The following CEP164 variants were observed in gnomAD, a reference collection of about 807,000 sequenced individuals.
CEP164 encodes the protein centrosomal protein 164.
In CEP164, 162 loss-of-function variants were observed where a neutral mutation model predicts 182.7. The ratio of observed to expected loss-of-function variants is 0.89; its 90% CI spans 0.78 to 1.01. The LOEUF (loss-of-function observed/expected upper bound fraction) is 1.01, where lower values mean the gene tolerates loss of function less well. Among genes scored for constraint, CEP164 ranks in the 50% least tolerant of loss-of-function variants. The pLI, the probability that CEP164 is intolerant of heterozygous loss-of-function variation, is 0.00. For synonymous variants in CEP164, 661 were observed against 690.0 expected, an observed-to-expected ratio of 0.96 and a Z score of 0.66; for missense variants, 1,735 against 1,790.4, an observed-to-expected ratio of 0.97 and a Z score of 0.56.
chr11:117,327,012 G>T (rs1215556105), upstream of CEP164, among the ~76,000 whole-genome samples: 3 of 152,224 alleles, frequency 2.0e-5, no homozygotes, highest in Non-Finnish European at 4.4e-5. Context: ...CAACCTTTCT[G>T]CCCGACAGGG....
Position 117,397,099 on chromosome 11 carries a change from C to T in CEP164, c.3287C>T (p.Ser1096Phe), listed in dbSNP as rs761362702. ...CAACTCTCCTGCTCCAGCCTGTCCT[C>T]CCACAATGTCTGGCACCTCCTCTCT... Reference protein sequence around the residue: ...KEDLYLDSLSSHNVWHLLSAE... With the variant: ...KEDLYLDSLSFHNVWHLLSAE... The change falls in exon 27 of 33, where the codon TCC (serine) becomes TTC (phenylalanine). Residue 1096 changes from serine (S) to phenylalanine (F), a missense_variant. Ser to Phe is a radical substitution (Grantham distance 155). Transcript: ENST00000278935. 2 of 1,613,904 alleles carry T rather than the reference C, an allele frequency of 1.2e-6. No individual in the cohort carries two copies. The highest frequency in any genetic ancestry group is 2.2e-5 in the South Asian group (2 of 91,036).
At position 117,371,200 on chromosome 11, in the gene CEP164, G is replaced by C. The variant is rs1235634904; in HGVS notation, c.886G>C (p.Ala296Pro). ...AGGTGCAGACAGCAGTCTGAGCAGT[G>C]CTGTTGGCAAAGGGCGACAGGGAAG... ...SPGADSSLSS[A>P]VGKGRQGSGA... is the part of the protein sequence containing the mutation. Residue 296 changes from alanine to proline, a missense_variant, in exon 9 of 33, where the codon GCT (alanine) becomes CCT (proline). Coordinates refer to ENST00000278935, the MANE Select transcript of CEP164 (RefSeq NM_014956.5). 6.2e-7 allele frequency: 1 copy of C among 1,614,224 alleles called. No individual in the cohort carries two copies.
chr11:117,396,993 C>A, intron 26 of CEP164, 98 bp from the exon 27 acceptor site: 1 of 1,092,950 alleles, frequency 9.1e-7, no homozygotes, highest in Non-Finnish European at 1.3e-6. Context: ...CAGCTCTGGT[C>A]TGTGCTCAGG....
At chr11:117,337,040 C>T (rs180988817) in intron 2 of CEP164, among the ~76,000 whole-genome samples, 7 of 152,162 alleles carry the variant, frequency 4.6e-5, no homozygotes, top group Admixed American at 2.6e-4. Context: ...AATTTGGCAC[C>T]GCCCCATCCC....
upstream of CEP164, among the ~76,000 whole-genome samples, chr11:117,324,597 G>C (rs1476199125): frequency 2.0e-5 from 3 of 152,180 alleles, no homozygotes; most frequent in Non-Finnish European, 4.4e-5. Context: ...TTGTTGATTT[G>C]TGTGAAGGTA....
At chr11:117,384,154 CTG>C (rs989349033) in intron 14 of CEP164, among the ~76,000 whole-genome samples, 2 of 152,250 alleles carry the variant, frequency 1.3e-5, no homozygotes, top group Non-Finnish European at 2.9e-5. Context: ...ATTTTCCCTT[CTG>C]TGAACTGAGC....
At chr11:117,364,244 C>G (rs545553490) in intron 8 of CEP164, among the ~76,000 whole-genome samples, 2 of 152,284 alleles carry the variant, frequency 1.3e-5, no homozygotes, top group South Asian at 4.1e-4. Flanking sequence ...CAGGCTCAAT[C>G]AGTTAAACTT....
chr11:117,327,211 G>A (rs571592403), upstream of CEP164, among the ~76,000 whole-genome samples: 41 of 152,318 alleles, frequency 2.7e-4, no homozygotes, highest in East Asian at 7.9e-3. Context: ...TAGGAGCACA[G>A]GAGAGCCAGT....
chr11:117,338,792 C>A, intron 3 of CEP164, 124 bp downstream of exon 3: 1 of 750,190 alleles, frequency 1.3e-6, no homozygotes. Context: ...TTAGTATATT[C>A]GGGTTAGATC....
chr11:117,410,777 C>G, intron 30 of CEP164, 51 bp from the exon 31 acceptor site: 1 of 1,515,172 alleles, frequency 6.6e-7, no homozygotes. Context: ...TGCTGGTGGG[C>G]AGGGTGGTGA....
At position 117,411,946 on chromosome 11, in the gene CEP164, G is replaced by A. The variant is rs760435734; in HGVS notation, c.4286+29G>A. ...TCCTTTTACCTGGTTCCCAAACTGG[G>A]CTGGGCTGTGGGGACTGTGCTTGTG... On this transcript the variant is annotated intron_variant, in intron 32 of 32. Transcript: ENST00000278935. This position sits in a 1 kb window ranked among gnomAD's most constrained non-coding sequence, Gnocchi z 4.4. The A allele has an allele frequency of 6.2e-7, 1 of 1,613,254 alleles. No homozygotes were observed. Among genetic ancestry groups the A allele is most frequent in the Non-Finnish European group, 8.5e-7 (1 of 1,179,680 alleles).
At chr11:117,326,597 T>C (rs1331494209), upstream of CEP164, among the ~76,000 whole-genome samples, 1 of 152,206 alleles carries the variant, frequency 6.6e-6, no homozygotes, top group Non-Finnish European at 1.5e-5. Flanking sequence ...CAGGTATTCA[T>C]GCGTGAGAAC....
At chr11:117,398,792 T>A (rs1012709142) in intron 27 of CEP164, among the ~76,000 whole-genome samples, 1 of 152,168 alleles carries the variant, frequency 6.6e-6, no homozygotes, top group African/African-American at 2.4e-5. Flanking sequence ...ATGGGGACCC[T>A]GGGCCTGGCC....
At chr11:117,330,044 C>CT (rs1239960148) in intron 1 of CEP164, among the ~76,000 whole-genome samples, 3 of 151,962 alleles carry the variant, frequency 2.0e-5, no homozygotes, top group African/African-American at 7.3e-5. Flanking sequence ...TGATTTTCTT[C>CT]TTTTTTGCCT....
intron 3 of CEP164, among the ~76,000 whole-genome samples, chr11:117,339,956 A>C (rs2037846964): frequency 1.3e-5 from 2 of 152,208 alleles, no homozygotes; most frequent in South Asian, 4.1e-4. Context: ...TTCTATTCTA[A>C]GTGGTGTTGC....
intron 11 of CEP164, among the ~76,000 whole-genome samples, chr11:117,376,207 G>C (rs926694648): frequency 1.3e-5 from 2 of 152,178 alleles, no homozygotes; most frequent in Non-Finnish European, 2.9e-5. Context: ...GCCTCTGCCT[G>C]CCACTCTGCT....
chr11:117,349,147 C>T lies in CEP164; in HGVS notation c.195-2643C>T, dbSNP rs527591322. On this transcript the variant is annotated intron_variant, in intron 4 of 32. Transcript: ENST00000278935. ...AAGTGATTTTCCTGCCTGTACCTCC[C>T]GAGTAGCTGGGATTACAGGCACGTG... Among the ~76,000 whole-genome samples the T allele has an allele frequency of 3.3e-5, 5 of 152,004 alleles. No individual in the cohort carries two copies. The South Asian group carries it at 1.0e-3, about 32-fold the overall frequency.
At position 117,381,704 on chromosome 11, in the gene CEP164, A is replaced by G. The variant is rs1196721000; in HGVS notation, c.1413A>G (p.Leu471=). 32 of 1,608,354 alleles carry G rather than the reference A, an allele frequency of 2.0e-5. No homozygotes were observed. Among genetic ancestry groups the G allele is most frequent in the Non-Finnish European group, 2.7e-5 (32 of 1,177,758 alleles). The part of the protein sequence containing the change: ...SKQSKGLEER[L]SPPLPHEERA... ...CTGCTCTGCCCGGCCTGACCAGGTT[A>G]TCTCCTCCACTTCCACACGAGGAGC... The change falls in exon 13 of 33, where the codon TTA becomes TTG. Residue 471 remains leucine, a synonymous_variant. Transcript: ENST00000278935.
rs529501297 is a variant in CEP164, at chr11:117,383,882, A to G, written c.1724+940A>G. Among the ~76,000 whole-genome samples the G allele has an allele frequency of 2.0e-5, 3 of 152,336 alleles. No individual in the cohort carries two copies. In the South Asian group the frequency reaches 6.2e-4, roughly 32 times the overall value. On this transcript the variant is annotated intron_variant, in intron 14 of 32. Transcript: ENST00000278935. The stretch of plus-strand genomic sequence containing the variant: ...GAAACCCCGTCTCTACTAAAAATAC[A>G]AAAATTAGCTGGGCGTGGTGGCAGG...
Sources: allele counts gnomAD v4.1 joint callset (sites outside exome capture counted in the v4.1 genomes callset), GRCh38; gene constraint gnomAD v4.1.1; non-coding constraint Gnocchi (gnomAD v3.1); transcripts MANE v1.5; gene names NCBI Gene and HGNC (gene_info 2026-07-23, HGNC 2026-07-21).